The following FRAS1 variants were observed in gnomAD, a reference collection of about 807,000 sequenced individuals.
The protein encoded by FRAS1 is Fraser extracellular matrix complex subunit 1, also known as extracellular matrix organizing protein FRAS1.
FRAS1 carries 290 observed loss-of-function variants against 435.2 expected under a neutral mutation model. The observed-to-expected ratio is 0.67, with a 90% CI of 0.61 to 0.73. The LOEUF (loss-of-function observed/expected upper bound fraction) is 0.73, where lower values mean the gene tolerates loss of function less well. FRAS1 is among the 30% of genes least tolerant of loss of function. The pLI is 0.00. For synonymous variants in FRAS1, 1,800 were observed against 1,851.0 expected (o/e 0.97, Z 0.71); for missense variants, 4,860 against 5,001.5 (o/e 0.97, Z 0.85).
At chr4:78,481,731 ACAT>A (rs780607163) in intron 56 of FRAS1, 70 bp from the exon 57 acceptor site, 29 of 1,531,748 alleles carry the variant, frequency 1.9e-5, no homozygotes, top group Non-Finnish European at 2.5e-5. Context: ...GTGAGGGAGA[ACAT>A]CATTCTGAAA....
chr4:78,487,970 G>C (rs1273348985), intron 58 of FRAS1, among the ~76,000 whole-genome samples: 2 of 152,086 alleles, frequency 1.3e-5, no homozygotes, highest in East Asian at 3.9e-4. Flanking sequence ...AGTCAAAGGA[G>C]GATTTGAGTT....
intron 14 of FRAS1, among the ~76,000 whole-genome samples, chr4:78,307,236 C>G (rs1361726298): frequency 6.6e-6 from 1 of 152,252 alleles, no homozygotes; most frequent in Non-Finnish European, 1.5e-5. Flanking sequence ...AGATCTCAAG[C>G]TGCGTGCTGG....
chr4:78,444,387 GA>G (rs200770982), intron 41 of FRAS1, among the ~76,000 whole-genome samples: 50 of 150,890 alleles, frequency 3.3e-4, no homozygotes, highest in South Asian at 1.0e-3. Context: ...TGTTATTGAA[GA>G]AAAAAAAATG....
intron 59 of FRAS1, among the ~76,000 whole-genome samples, chr4:78,493,983 C>T (rs1192633163): frequency 6.6e-6 from 1 of 151,962 alleles, no homozygotes; most frequent in Admixed American, 6.6e-5. Flanking sequence ...CCTCATTGGT[C>T]AATACTAAGC....
At chr4:78,324,582 GA>G (rs1402295590) in intron 18 of FRAS1, among the ~76,000 whole-genome samples, 2 of 152,028 alleles carry the variant, frequency 1.3e-5, no homozygotes, top group South Asian at 2.1e-4. Context: ...CTTTATAGAT[GA>G]AAAAAGTGAT....
At chr4:78,398,585 C>A (rs1011377707) in intron 29 of FRAS1, among the ~76,000 whole-genome samples, 2 of 152,208 alleles carry the variant, frequency 1.3e-5, no homozygotes, top group Non-Finnish European at 2.9e-5. Context: ...TCTGAAAAAA[C>A]CACATTGCCT....
In FRAS1 at chr4:78,317,402, C is replaced by A. The variant is rs1364474639; in HGVS notation, c.1854C>A (p.Pro618=). The A allele has an allele frequency of 6.2e-7, 1 of 1,613,888 alleles. No individual in the cohort carries two copies. The highest frequency in any genetic ancestry group is 1.7e-5 in the Admixed American group (1 of 60,020). Residue 618 remains proline (P), a synonymous_variant, in exon 17 of 74, where the codon CCC becomes CCA. Transcript: ENST00000512123. ...ACTCATGTGCCAGCTGCTCTGGGCC[C>A]ACACCCTCTCACTGTACAGCCTGCA... ...CHNSCASCSG[P]TPSHCTACSP... is the part of the protein sequence containing the mutation.
chr4:78,130,173 G>GT (rs35008151), intron 2 of FRAS1, among the ~76,000 whole-genome samples: 25,532 of 151,982 alleles, frequency 0.17, 2,327 homozygotes, highest in Admixed American at 0.21. Flanking sequence ...TGTAATGCTG[G>GT]TTTTTTTGTT....
chr4:78,290,067 T>A (rs1466746501), intron 14 of FRAS1, among the ~76,000 whole-genome samples: 1 of 152,138 alleles, frequency 6.6e-6, no homozygotes, highest in Non-Finnish European at 1.5e-5. Context: ...GTGGGACCAC[T>A]GAACTGTGCA....
In FRAS1 at chr4:78,336,068, C is replaced by T. The variant is rs189219977; in HGVS notation, c.2279-1606C>T. Among the ~76,000 whole-genome samples, 242 of 152,150 alleles carry T rather than the reference C, an allele frequency of 1.6e-3. 1 individual carries two copies. Among genetic ancestry groups the T allele is most frequent in the African/African-American group, 5.5e-3 (230 of 41,504 alleles). The stretch of plus-strand genomic sequence containing the variant: ...GTCAGTAAATGTAATAAACTTATGA[C>T]ATGTTTTTAAAATAAATTAATATCT... On this transcript the variant is annotated intron_variant, in intron 19 of 73. Coordinates refer to ENST00000512123, the MANE Select transcript of FRAS1 (RefSeq NM_025074.7).
intron 61 of FRAS1, among the ~76,000 whole-genome samples, 178 bp from the exon 62 acceptor site, chr4:78,507,242 TA>T (rs1174187142): frequency 6.6e-6 from 1 of 152,214 alleles, no homozygotes; most frequent in Non-Finnish European, 1.5e-5. Context: ...ATTTGGTCTG[TA>T]AAAAAGATTC....
intron 69 of FRAS1, 108 bp from the exon 70 acceptor site, chr4:78,526,433 G>A (rs1721536785): frequency 4.6e-6 from 3 of 656,186 alleles, no homozygotes; most frequent in South Asian, 4.1e-5. Flanking sequence ...TTAGATGCTG[G>A]ACACAAATAC....
chr4:78,537,181 A>G lies in FRAS1; in HGVS notation c.11279A>G (p.Lys3760Arg). 1 of 1,613,944 alleles carries G rather than the reference A, an allele frequency of 6.2e-7. No homozygotes were observed. The highest frequency in any genetic ancestry group is 8.5e-7 in the Non-Finnish European group (1 of 1,179,860). The part of the protein sequence containing the change: ...YGCIQPNKHL[K>R]HRFLLLDRNQ... ...TGCATTCAGCCAAACAAACACCTAA[A>G]ACACAGATTCCTGCTGTTGGTATGC... Residue 3760 changes from lysine to arginine, a missense_variant, in exon 72 of 74, where the codon AAA (lysine) becomes AGA (arginine). Lys to Arg is a conservative substitution (Grantham distance 26). Transcript: ENST00000512123.
intron 2 of FRAS1, among the ~76,000 whole-genome samples, chr4:78,083,410 G>A (rs989793496): frequency 2.0e-5 from 3 of 152,124 alleles, no homozygotes; most frequent in Admixed American, 6.6e-5. Context: ...TTGTGGAATT[G>A]CTGCAGAAGT....
Position 78,470,015 on chromosome 4 carries a change from T to G in FRAS1, c.7295T>G (p.Ile2432Ser), listed in dbSNP as rs754971037. The G allele has an allele frequency of 6.2e-6, 10 of 1,613,690 alleles. No individual in the cohort carries two copies. Among genetic ancestry groups the G allele is most frequent in the Non-Finnish European group, 7.6e-6 (9 of 1,179,776 alleles). Residue 2432 changes from isoleucine (I) to serine (S), a missense_variant, in exon 51 of 74, where the codon ATC (isoleucine) becomes AGC (serine). Transcript: ENST00000512123. ...TAAPQPFRVD[I>S]LPVDDGTPRI... ...GCACCTCAGCCGTTCCGAGTAGACA[T>G]CCTCCCGGTAGATGATGGCACGCCT...
At chr4:78,503,602 C>T (rs1287846963) in intron 61 of FRAS1, among the ~76,000 whole-genome samples, 1 of 152,128 alleles carries the variant, frequency 6.6e-6, no homozygotes, top group Admixed American at 6.6e-5. Context: ...ATTCTCCTCT[C>T]ATTTCTTCTT....
intron 52 of FRAS1, among the ~76,000 whole-genome samples, chr4:78,472,937 C>T (rs141483220): frequency 6.6e-6 from 1 of 152,320 alleles, no homozygotes; most frequent in Non-Finnish European, 1.5e-5. Flanking sequence ...TCTCTGTCCT[C>T]AATTGTATGT....
At chr4:78,361,731 A>T (rs1299793186) in intron 20 of FRAS1, among the ~76,000 whole-genome samples, 1 of 152,228 alleles carries the variant, frequency 6.6e-6, no homozygotes, top group East Asian at 1.9e-4. Flanking sequence ...TAGAAATCAC[A>T]ATCTCTACTA....
At chr4:78,316,250 G>GAAAC (rs1729240682) in intron 16 of FRAS1, among the ~76,000 whole-genome samples, 1 of 152,134 alleles carries the variant, frequency 6.6e-6, no homozygotes, top group Non-Finnish European at 1.5e-5. Context: ...ATACCCATTT[G>GAAAC]AGACTTTATA....
Sources: allele counts gnomAD v4.1 joint callset (sites outside exome capture counted in the v4.1 genomes callset), GRCh38; gene constraint gnomAD v4.1.1; transcripts MANE v1.5; gene names NCBI Gene and HGNC (gene_info 2026-07-23, HGNC 2026-07-21).